PLOD2: variants seen among roughly 807,000 people sequenced by gnomAD.
The protein encoded by PLOD2 is procollagen-lysine,2-oxoglutarate 5-dioxygenase 2.
Under a neutral mutation model 101.0 loss-of-function variants are expected in PLOD2, and 65 were observed. The observed-to-expected ratio is 0.64, with a 90% confidence interval of 0.53 to 0.79. The LOEUF (loss-of-function observed/expected upper bound fraction) is 0.79. PLOD2 is among the 30% of genes least tolerant of loss of function. PLOD2 has a pLI of 0.00. For synonymous variants in PLOD2, 314 were observed against 302.9 expected, an observed-to-expected ratio of 1.04 and a Z score of -0.38; for missense variants, 909 against 914.6, an observed-to-expected ratio of 0.99 and a Z score of 0.08.
chr3:146,130,176 G>A (rs2030826632), intron 1 of PLOD2, among the ~76,000 whole-genome samples: 3 of 152,104 alleles, frequency 2.0e-5, no homozygotes, highest in African/African-American at 7.2e-5. Context: ...CCCATTCAAA[G>A]AGAAGAGCCT....
chr3:146,116,486 T>G (rs1937916464), intron 3 of PLOD2, among the ~76,000 whole-genome samples: 1 of 152,186 alleles, frequency 6.6e-6, no homozygotes, highest in Non-Finnish European at 1.5e-5. Flanking sequence ...GGGGATATTT[T>G]TGTTGTGCTG....
intron 3 of PLOD2, among the ~76,000 whole-genome samples, chr3:146,118,035 C>T (rs775353611): frequency 6.6e-6 from 1 of 152,074 alleles, no homozygotes; most frequent in Non-Finnish European, 1.5e-5. Context: ...TTCTGACTCA[C>T]ATGTAGTAAC....
intron 8 of PLOD2, among the ~76,000 whole-genome samples, chr3:146,089,923 A>T (rs1936918955): frequency 6.6e-6 from 1 of 151,558 alleles, no homozygotes; most frequent in Admixed American, 6.6e-5. Flanking sequence ...AATGAGATTT[A>T]GAGAAATTTA....
rs1416443893 is a variant in PLOD2 at position 146,073,308 on chromosome 3, G to A, written c.1722C>T (p.Phe574=). The A allele has an allele frequency of 8.9e-6, 11 of 1,237,038 alleles. No individual in the cohort carries two copies. The highest frequency in any genetic ancestry group is 1.3e-5 in the Non-Finnish European group (11 of 860,336). 76.6% of individuals were successfully genotyped at this position (1,237,038 alleles called of 1,614,324 possible). A position where few individuals can be genotyped will look rare whatever the true frequency, so the allele number is the denominator to read the frequency against. Residue 574 remains phenylalanine (F), a synonymous_variant, in exon 16 of 20, where the codon TTC becomes TTT. Coordinates refer to ENST00000282903, the MANE Select transcript of PLOD2 (RefSeq NM_182943.3). Reference sequence around the variant, plus strand: ...AAACCTGTTCAACTATATTTTCAGTGAAAATCTTTGAATAATCACGGTTTA... The same window carrying A: ...AAACCTGTTCAACTATATTTTCAGTAAAAATCTTTGAATAATCACGGTTTA... The part of the protein sequence containing the change: ...KYINRDYSKI[F]TENIVEQPCP...
intron 2 of PLOD2, among the ~76,000 whole-genome samples, chr3:146,122,009 C>T (rs1388898452): frequency 1.3e-5 from 2 of 151,978 alleles, no homozygotes; most frequent in African/African-American, 2.4e-5. Context: ...TCTGAAGTTG[C>T]CATTATAATG....
At chr3:146,115,605 G>T (rs1937872727) in intron 3 of PLOD2, among the ~76,000 whole-genome samples, 1 of 152,050 alleles carries the variant, frequency 6.6e-6, no homozygotes, top group Non-Finnish European at 1.5e-5. Context: ...GAAGGCACAA[G>T]GCTAGATTAA....
intron 8 of PLOD2, 97 bp from the exon 9 acceptor site, chr3:146,088,808 A>G: frequency 9.7e-7 from 1 of 1,028,880 alleles, no homozygotes; most frequent in Non-Finnish European, 1.5e-6. Context: ...AAAAAATACT[A>G]GAATATCAAT....
intron 1 of PLOD2, among the ~76,000 whole-genome samples, chr3:146,134,603 T>G (rs575165660): frequency 3.7e-4 from 56 of 152,350 alleles, no homozygotes; most frequent in Non-Finnish European, 5.7e-4. Context: ...TGTAGCTTGC[T>G]GAAACACATA....
intron 6 of PLOD2, 126 bp from the exon 7 acceptor site, chr3:146,102,978 A>G: frequency 6.3e-6 from 4 of 631,104 alleles, no homozygotes; most frequent in Non-Finnish European, 1.2e-5. Context: ...GTAATATTCC[A>G]AGTGCTACAA....
At position 146,077,715 on chromosome 3, in the gene PLOD2, A is replaced by T. The variant is rs1576573989; in HGVS notation, c.1563+147T>A. The T allele has an allele frequency of 1.4e-5, 8 of 566,452 alleles. No individual in the cohort carries two copies. The East Asian group carries it at 2.3e-4, about 16-fold the overall frequency. 35.1% of individuals were successfully genotyped at this position (566,452 alleles called of 1,614,324 possible). A position where few individuals can be genotyped will look rare whatever the true frequency, so the allele number is the denominator to read the frequency against. ...CAAGACCCATGCCCAAGTCACACAA[A>T]ACACGCAAACACACAGATGACTGAT... On this transcript the variant is annotated intron_variant, in intron 14 of 19. Transcript: ENST00000282903.
intron 1 of PLOD2, among the ~76,000 whole-genome samples, chr3:146,141,915 A>G (rs1399905866): frequency 1.3e-5 from 2 of 152,100 alleles, no homozygotes; most frequent in Non-Finnish European, 2.9e-5. Context: ...TATGAAAAAA[A>G]TTGTGAGGAA....
chr3:146,104,821 A>T (rs988682829), intron 5 of PLOD2, among the ~76,000 whole-genome samples: 4 of 152,334 alleles, frequency 2.6e-5, no homozygotes, highest in Admixed American at 2.6e-4. Context: ...AGGAGCATAT[A>T]TCTGCTTAAA....
At chr3:146,139,967 G>A (rs1420781481) in intron 1 of PLOD2, among the ~76,000 whole-genome samples, 2 of 151,960 alleles carry the variant, frequency 1.3e-5, no homozygotes, top group African/African-American at 2.4e-5. Flanking sequence ...TGAATGGTTC[G>A]CCACCTGGTT....
Position 146,086,770 on chromosome 3 carries a change from A to T in PLOD2, c.1127+17T>A. Reference sequence around the variant, plus strand: ...TAGTAAAATAATTTAATTTAATTTTAATTTATTAAAACATACATTCCCATG... The same window carrying T: ...TAGTAAAATAATTTAATTTAATTTTTATTTATTAAAACATACATTCCCATG... On this transcript the variant is annotated intron_variant, in intron 10 of 19. Transcript: ENST00000282903. The T allele has an allele frequency of 7.2e-7, 1 of 1,387,204 alleles. No individual in the cohort carries two copies. The highest frequency in any genetic ancestry group is 9.7e-7 in the Non-Finnish European group (1 of 1,028,434). The allele number at this position is 1,387,204 out of a possible 1,614,324, so 85.9% of individuals were successfully genotyped here.
Position 146,079,254 on chromosome 3 carries a change from T to A in PLOD2, c.1362A>T (p.Gly454=), listed in dbSNP as rs1397796698. 1 of 1,603,330 alleles carries A rather than the reference T, an allele frequency of 6.2e-7. No homozygotes were observed. Among genetic ancestry groups the A allele is most frequent in the Admixed American group, 1.7e-5 (1 of 59,872 alleles). ...YVDIVQGNRV[G]VWNVPYMANV... is the part of the protein sequence containing the mutation. ...TAGCCATATATGGGACATTCCATACTCCTCTGAAAGTAAAGAGAAGACATT... is the reference window on the plus strand; with the variant it reads ...TAGCCATATATGGGACATTCCATACACCTCTGAAAGTAAAGAGAAGACATT... The change falls in exon 13 of 20, where the codon GGA becomes GGT. Residue 454 remains glycine (G), a synonymous_variant. Coordinates refer to ENST00000282903, the MANE Select transcript of PLOD2 (RefSeq NM_182943.3).
intron 3 of PLOD2, among the ~76,000 whole-genome samples, chr3:146,114,997 A>G (rs1332110734): frequency 6.6e-6 from 1 of 152,202 alleles, no homozygotes; most frequent in Non-Finnish European, 1.5e-5. Flanking sequence ...AATTAATAAA[A>G]TGAATATAGA....
At chr3:146,079,039 A>G in intron 13 of PLOD2, 77 bp downstream of exon 13, 2 of 1,471,296 alleles carry the variant, frequency 1.4e-6, no homozygotes, top group Non-Finnish European at 9.5e-7. Context: ...AAGGGCATCA[A>G]AACACAGTGA....
chr3:146,079,070 G>C (rs1325153577), intron 13 of PLOD2, 46 bp downstream of exon 13: 1 of 1,591,238 alleles, frequency 6.3e-7, no homozygotes, highest in East Asian at 2.2e-5. Context: ...GGTAAAGCAA[G>C]CCATCTTATA....
chr3:146,082,036 T>C (rs1936561190), intron 11 of PLOD2, among the ~76,000 whole-genome samples, 173 bp from the exon 12 acceptor site: 1 of 152,170 alleles, frequency 6.6e-6, no homozygotes, highest in Non-Finnish European at 1.5e-5. Context: ...CAACATCTTT[T>C]CTTAAGTAAG....
Sources: allele counts gnomAD v4.1 joint callset (sites outside exome capture counted in the v4.1 genomes callset), GRCh38; gene constraint gnomAD v4.1.1; transcripts MANE v1.5; gene names NCBI Gene and HGNC (gene_info 2026-07-23, HGNC 2026-07-21).